RPL7: variants seen among roughly 807,000 people sequenced by gnomAD.
RPL7 encodes large ribosomal subunit protein uL30.
For synonymous variants in RPL7, 100 were observed against 102.2 expected (o/e 0.98, Z 0.13); for missense variants, 205 against 301.9 (o/e 0.68, Z 2.38).
At position 73,291,286 on chromosome 8, in the gene RPL7, G is replaced by T. The variant is rs753740783; in HGVS notation, c.539-34C>A. ...TTTAAGGTTATTTAAGATTATTAAA[G>T]TTGCAAAAAGTTTTGAAATAATTAT... On this transcript the variant is annotated intron_variant, in intron 5 of 6. Transcript: ENST00000352983. 8 of 1,525,516 alleles carry T rather than the reference G, an allele frequency of 5.2e-6. No individual in the cohort carries two copies. In the South Asian group the frequency reaches 7.2e-5, roughly 14 times the overall value. 94.5% of individuals were successfully genotyped at this position (1,525,516 alleles called of 1,614,324 possible).
At position 73,290,956 on chromosome 8, in the gene RPL7, A is replaced by C. The variant is rs966488268; in HGVS notation, c.*1+87T>G. On this transcript the variant is annotated intron_variant, in intron 6 of 6. Coordinates refer to ENST00000352983, the MANE Select transcript of RPL7 (RefSeq NM_000971.4). ...AGCACTGATTAAAATTCAAACCCCC[A>C]TCAATATTTAATGGGAAAAGTATTC... is the stretch of plus-strand genomic sequence containing the variant. 4.0e-6 allele frequency: 4 copies of C among 999,478 alleles called. No homozygotes were observed. The Admixed American group carries it at 6.2e-5, about 15-fold the overall frequency. The allele number at this position is 999,478 out of a possible 1,614,324, so 61.9% of individuals were successfully genotyped here. A position where few individuals can be genotyped will look rare whatever the true frequency, so the allele number is the denominator to read the frequency against.
intron 1 of RPL7, 71 bp from the exon 2 acceptor site, chr8:73,292,868 G>A (rs1011558302): frequency 4.4e-6 from 5 of 1,126,112 alleles, no homozygotes; most frequent in South Asian, 1.4e-5. Context: ...CCCGTACTGA[G>A]CAGTGTTGTT....
rs755932103 is a variant in RPL7 at position 73,292,768 on chromosome 8, G to A, written c.44C>T (p.Pro15Leu). ...CCTTCGCTTTTTCTTAAGGGTTTCT[G>A]GCACAGCAGGAACCTCCTTCTTCTT... ...EEKKKEVPAV[P>L]ETLKKKRRNF... The change falls in exon 2 of 7, where the codon CCA (proline) becomes CTA (leucine). Residue 15 changes from proline to leucine, a missense_variant. Physicochemically the swap from Pro to Leu is moderately conservative, Grantham distance 98. Coordinates refer to ENST00000352983, the MANE Select transcript of RPL7 (RefSeq NM_000971.4). 1.9e-6 allele frequency: 3 copies of A among 1,612,990 alleles called. No homozygotes were observed. The highest frequency in any genetic ancestry group is 2.5e-6 in the Non-Finnish European group (3 of 1,179,710).
chr8:73,292,899 A>C, intron 1 of RPL7, 102 bp from the exon 2 acceptor site: 1 of 776,918 alleles, frequency 1.3e-6, no homozygotes, highest in African/African-American at 1.7e-5. Context: ...GCTGTCACTG[A>C]CTTTAGTCAC....
At chr8:73,293,902 G>A (rs1814178782), upstream of RPL7, 1 of 398,420 alleles carries the variant, frequency 2.5e-6, no homozygotes, top group Non-Finnish European at 4.7e-6. Flanking sequence ...AGGCTGCGCT[G>A]ACAGGATTAG....
upstream of RPL7, chr8:73,293,676 G>A (rs777684842): frequency 5.6e-4 from 890 of 1,597,086 alleles, no homozygotes; most frequent in Non-Finnish European, 7.2e-4. Context: ...CTTCGCGAGA[G>A]AAGCCCCACG....
At chr8:73,294,199 A>G (rs917843627), upstream of RPL7, 7 of 156,908 alleles carry the variant, frequency 4.5e-5, no homozygotes, top group African/African-American at 1.7e-4. Flanking sequence ...TCGTCGCTCC[A>G]GCCCACAGGG....
At chr8:73,293,667 T>G, upstream of RPL7, 4 of 1,608,348 alleles carry the variant, frequency 2.5e-6, no homozygotes, top group Non-Finnish European at 3.4e-6. Flanking sequence ...ACTTAAAGAC[T>G]TCGCGAGAGA....
rs1420628557 is a variant in RPL7 at position 73,290,647 on chromosome 8, T to C, written c.*60A>G. On this transcript the variant is annotated 3_prime_UTR_variant, in exon 7 of 7. Coordinates refer to ENST00000352983, the MANE Select transcript of RPL7 (RefSeq NM_000971.4). Reference sequence around the variant, plus strand: ...TCACAAATACAACAATATATTTCAATTTGAGAGCAGGTACTGTTTATTAAC... The same window carrying C: ...TCACAAATACAACAATATATTTCAACTTGAGAGCAGGTACTGTTTATTAAC... The C allele has an allele frequency of 6.0e-6, 1 of 165,508 alleles. No homozygotes were observed. Among genetic ancestry groups the C allele is most frequent in the Non-Finnish European group, 1.3e-5 (1 of 76,622 alleles). 10.3% of individuals were successfully genotyped at this position (165,508 alleles called of 1,614,324 possible).
At chr8:73,293,968 A>C, upstream of RPL7, 2 of 236,946 alleles carry the variant, frequency 8.4e-6, no homozygotes, top group Non-Finnish European at 1.7e-5. Flanking sequence ...CGAACTACAA[A>C]TCCCAGCATG....
rs904043449 is a variant in RPL7 at position 73,290,243 on chromosome 8, G to C, written c.*464C>G. On this transcript the variant is annotated 3_prime_UTR_variant, in exon 7 of 7. Coordinates refer to ENST00000352983, the MANE Select transcript of RPL7 (RefSeq NM_000971.4). The stretch of plus-strand genomic sequence containing the variant: ...AGATGCAAAACAAGAACACAAAAAT[G>C]GAATGCAAAAGGAAAACAACACATT... The C allele has an allele frequency of 1.3e-5, 2 of 152,092 alleles. No individual in the cohort carries two copies. Among genetic ancestry groups the C allele is most frequent in the Non-Finnish European group, 2.9e-5 (2 of 68,012 alleles). The allele number at this position is 152,092 out of a possible 1,614,324, so 9.4% of individuals were successfully genotyped here. A position where few individuals can be genotyped will look rare whatever the true frequency, so the allele number is the denominator to read the frequency against.
rs764538216 is a variant in RPL7 at position 73,292,393 on chromosome 8, T to C, written c.136A>G (p.Arg46Gly). The C allele has an allele frequency of 6.3e-7, 1 of 1,595,688 alleles. No homozygotes were observed. Among genetic ancestry groups the C allele is most frequent in the Admixed American group, 1.7e-5 (1 of 59,178 alleles). The change falls in exon 3 of 7, where the codon AGG (arginine) becomes GGG (glycine). Residue 46 changes from arginine (R) to glycine (G), a missense_variant. Physicochemically the swap from Arg to Gly is moderately radical, Grantham distance 125. Coordinates refer to ENST00000352983, the MANE Select transcript of RPL7 (RefSeq NM_000971.4). ...KFAQKMLRKA[R>G]RKLIYEKAKH... is the part of the protein sequence containing the mutation. ...GCTTTTTCATAGATAAGCTTCCTCC[T>C]TGCCTTTCGAAGCTGAAAACCAATA...
At chr8:73,293,956 G>C (rs1814182330), upstream of RPL7, 2 of 265,976 alleles carry the variant, frequency 7.5e-6, no homozygotes, top group South Asian at 7.6e-5. Context: ...GCCTCATGGG[G>C]ACGAACTACA....
rs779860884 is a variant in RPL7 at position 73,292,416 on chromosome 8, A to G, written c.124-11T>C. On this transcript the variant is annotated splice_polypyrimidine_tract_variant and intron_variant, in intron 2 of 6. Coordinates refer to ENST00000352983, the MANE Select transcript of RPL7 (RefSeq NM_000971.4). ...CCTTGCCTTTCGAAGCTGAAAACCA[A>G]TAATCAGTTATTCATAATTTTTAGC... 1 of 1,590,382 alleles carries G rather than the reference A, an allele frequency of 6.3e-7. No individual in the cohort carries two copies. The highest frequency in any genetic ancestry group is 1.1e-5 in the South Asian group (1 of 89,102).
At chr8:73,293,667 T>A (rs1293064573), upstream of RPL7, 1 of 1,608,348 alleles carries the variant, frequency 6.2e-7, no homozygotes. Context: ...ACTTAAAGAC[T>A]TCGCGAGAGA....
At chr8:73,293,930 A>G (rs569983830), upstream of RPL7, 2 of 338,852 alleles carry the variant, frequency 5.9e-6, no homozygotes, top group East Asian at 7.0e-5. Flanking sequence ...TCCTCCCCAT[A>G]ATGTTCCCAG....
At chr8:73,292,068 G>A (rs923829606) in intron 3 of RPL7, among the ~76,000 whole-genome samples, 158 bp from the exon 4 acceptor site, 1 of 152,172 alleles carries the variant, frequency 6.6e-6, no homozygotes, top group African/African-American at 2.4e-5. Context: ...AGGGATAGGA[G>A]CTTGGGGAAC....
rs1332922688 is a variant in RPL7, at chr8:73,290,573, C to T, written c.*134G>A. On this transcript the variant is annotated 3_prime_UTR_variant, in exon 7 of 7. Transcript: ENST00000352983. ...TAATTTTATCACACACCACACTTGC[C>T]ACAGTAGTTAAGGGAAGACAGAGGC... 1 of 154,454 alleles carries T rather than the reference C, an allele frequency of 6.5e-6. No homozygotes were observed. Among genetic ancestry groups the T allele is most frequent in the Non-Finnish European group, 1.4e-5 (1 of 69,634 alleles). 9.6% of individuals were successfully genotyped at this position (154,454 alleles called of 1,614,324 possible).
At chr8:73,291,752 C>G (rs1346204166) in intron 4 of RPL7, 21 bp downstream of exon 4, 3 of 1,595,142 alleles carry the variant, frequency 1.9e-6, no homozygotes, top group Non-Finnish European at 1.7e-6. Context: ...AAATAGAAAT[C>G]AAAGGAGAAA....
Sources: gnomAD v4.1 joint callset for allele counts (sites outside exome capture counted in the v4.1 genomes callset) on GRCh38, gnomAD v4.1.1 for gene constraint, MANE v1.5 for transcripts, NCBI Gene and HGNC (gene_info 2026-07-23, HGNC 2026-07-21) for gene names.